MTUS2: variants seen among roughly 807,000 people sequenced by gnomAD.
MTUS2 encodes the protein microtubule associated scaffold protein 2.
Under a neutral mutation model 114.1 loss-of-function variants are expected in MTUS2, and 40 were observed. The observed-to-expected ratio is 0.35, with a 90% CI of 0.27 to 0.46. The LOEUF is 0.46. MTUS2 is among the 20% of genes least tolerant of loss of function. The pLI, the probability that MTUS2 is intolerant of heterozygous loss-of-function variation, is 1.00. For missense variants in MTUS2, 1,679 were observed against 1,705.4 expected (o/e 0.98, Z 0.27); for synonymous variants, 688 against 672.0 (o/e 1.02, Z -0.37).
chr13:28,887,926 C>CT (rs1463014586), intron 2 of MTUS2, among the ~76,000 whole-genome samples: 1 of 152,190 alleles, frequency 6.6e-6, no homozygotes, highest in African/African-American at 2.4e-5. Flanking sequence ...GTCCTAAACT[C>CT]TAAGAAGTAT....
intron 4 of MTUS2, among the ~76,000 whole-genome samples, chr13:29,098,119 A>G (rs921629977): frequency 5.3e-5 from 8 of 152,148 alleles, no homozygotes; most frequent in Non-Finnish European, 8.8e-5. Flanking sequence ...CTTGAGCTCT[A>G]CTCCAGACCA....
intron 4 of MTUS2, among the ~76,000 whole-genome samples, chr13:29,087,434 C>T (rs1042184421): frequency 6.6e-6 from 1 of 152,186 alleles, no homozygotes; most frequent in Admixed American, 6.5e-5. Flanking sequence ...ACCAACCTTA[C>T]ATCCCAAGAA....
At chr13:29,450,378 T>C (rs1593457602) in intron 9 of MTUS2, among the ~76,000 whole-genome samples, 1 of 152,146 alleles carries the variant, frequency 6.6e-6, no homozygotes, top group East Asian at 1.9e-4. Context: ...TCCTGTCGTA[T>C]GTAAGTATGA....
chr13:29,214,312 A>G (rs149520230), intron 5 of MTUS2, among the ~76,000 whole-genome samples: 483 of 151,564 alleles, frequency 3.2e-3, no homozygotes, highest in African/African-American at 0.011. Flanking sequence ...TCTTTTTCCA[A>G]TTTGCCCCAG....
chr13:29,191,224 G>A (rs946465527), intron 5 of MTUS2, among the ~76,000 whole-genome samples: 2 of 152,086 alleles, frequency 1.3e-5, no homozygotes, highest in Non-Finnish European at 2.9e-5. Flanking sequence ...ATGATTGCAA[G>A]GAATGGAAAT....
intron 2 of MTUS2, among the ~76,000 whole-genome samples, chr13:28,933,205 C>T (rs1319375325): frequency 2.6e-5 from 4 of 151,210 alleles, no homozygotes; most frequent in Non-Finnish European, 5.9e-5. Context: ...CAGCATTGGC[C>T]CACATGATTG....
chr13:29,468,349 T>C (rs1593478357), intron 9 of MTUS2, among the ~76,000 whole-genome samples: 1 of 151,944 alleles, frequency 6.6e-6, no homozygotes, highest in East Asian at 1.9e-4. Flanking sequence ...GAGGCTGAGG[T>C]GGGAGGATTA....
At chr13:28,913,680 A>C (rs191170470) in intron 2 of MTUS2, among the ~76,000 whole-genome samples, 1 of 152,276 alleles carries the variant, frequency 6.6e-6, no homozygotes, top group East Asian at 1.9e-4. Flanking sequence ...GAATAGTTTC[A>C]GTAGAAATGG....
intron 4 of MTUS2, among the ~76,000 whole-genome samples, chr13:29,081,713 T>C (rs1220392308): frequency 6.6e-6 from 1 of 152,022 alleles, no homozygotes; most frequent in Middle Eastern, 3.2e-3. Flanking sequence ...TGTGTGACTT[T>C]AATTTATATT....
chr13:29,501,522 CACCACTGGCTGAT>C (rs1013951562), intron 15 of MTUS2, among the ~76,000 whole-genome samples: 9 of 152,162 alleles, frequency 5.9e-5, no homozygotes, highest in African/African-American at 2.2e-4. Flanking sequence ...AAAAGAGAGC[CACCACTGGCTGAT>C]ACCCCAACTT....
At chr13:29,096,382 G>A (rs904269312) in intron 4 of MTUS2, among the ~76,000 whole-genome samples, 2 of 152,110 alleles carry the variant, frequency 1.3e-5, no homozygotes, top group Admixed American at 1.3e-4. Context: ...CAGTGTCCTG[G>A]GGCATACATT....
intron 5 of MTUS2, among the ~76,000 whole-genome samples, chr13:29,276,624 A>G (rs1400286643): frequency 6.6e-6 from 1 of 152,158 alleles, no homozygotes; most frequent in African/African-American, 2.4e-5. Flanking sequence ...GGGGCTGGGC[A>G]CGGTGGCTCA....
intron 2 of MTUS2, among the ~76,000 whole-genome samples, chr13:28,900,728 C>T (rs1879598030): frequency 6.6e-6 from 1 of 152,184 alleles, no homozygotes; most frequent in South Asian, 2.1e-4. Context: ...CTGTTACGAA[C>T]ATACATTGTA....
chr13:28,921,278 T>C (rs1260518878), intron 2 of MTUS2, among the ~76,000 whole-genome samples: 3 of 152,192 alleles, frequency 2.0e-5, no homozygotes, highest in East Asian at 1.9e-4. Context: ...CAGGGCTGGG[T>C]CCTTGCCTTC....
intron 9 of MTUS2, among the ~76,000 whole-genome samples, chr13:29,460,783 A>C (rs138313829): frequency 2.0e-5 from 3 of 152,118 alleles, no homozygotes; most frequent in African/African-American, 7.2e-5. Context: ...CAGTTACTCA[A>C]CTTTTTTTAG....
At chr13:28,987,598 G>A (rs991720169) in intron 2 of MTUS2, among the ~76,000 whole-genome samples, 2 of 152,128 alleles carry the variant, frequency 1.3e-5, no homozygotes, top group African/African-American at 4.8e-5. Flanking sequence ...CTTTGGGGTG[G>A]GGGCCGTCCC....
intron 8 of MTUS2, among the ~76,000 whole-genome samples, chr13:29,407,447 C>CTTATTTATTTAT (rs199911224): frequency 1.2e-3 from 174 of 139,396 alleles, no homozygotes; most frequent in African/African-American, 1.5e-3. Flanking sequence ...AGTGATTGTA[C>CTTATTTATTTAT]TTATTTATTT....
At chr13:29,237,388 C>T (rs1896572592) in intron 5 of MTUS2, among the ~76,000 whole-genome samples, 1 of 152,258 alleles carries the variant, frequency 6.6e-6, no homozygotes, top group East Asian at 1.9e-4. Context: ...TCCTCCTTGT[C>T]TCAGGCTAAG....
At chr13:29,429,603 C>A (rs1876836791) in intron 8 of MTUS2, among the ~76,000 whole-genome samples, 1 of 152,206 alleles carries the variant, frequency 6.6e-6, no homozygotes, top group Non-Finnish European at 1.5e-5. Context: ...CTCTTGTGAG[C>A]TAGCAGAGGG....
Sources: gnomAD v4.1 joint callset for allele counts (sites outside exome capture counted in the v4.1 genomes callset) on GRCh38, gnomAD v4.1.1 for gene constraint, MANE v1.5 for transcripts, NCBI Gene and HGNC (gene_info 2026-07-23, HGNC 2026-07-21) for gene names.